RBM6: variants seen among roughly 807,000 people sequenced by gnomAD.
RBM6 encodes the protein RNA-binding protein 6.
Under a neutral mutation model 140.4 loss-of-function variants are expected in RBM6, and 23 were observed. The observed-to-expected ratio is 0.16, with a 90% CI of 0.12 to 0.23. The LOEUF is 0.23. Ranked by LOEUF, RBM6 falls within the 10% of genes least tolerant of loss-of-function variation. The pLI is 1.00. For missense variants in RBM6, 1,139 were observed against 1,386.7 expected (o/e 0.82, Z 2.84); for synonymous variants, 439 against 475.6 (o/e 0.92, Z 1.00).
chr3:50,060,435 A>ACTTGG (rs1359700875), intron 11 of RBM6, among the ~76,000 whole-genome samples: 2 of 151,882 alleles, frequency 1.3e-5, no homozygotes, highest in Non-Finnish European at 2.9e-5. Context: ...TTGCTCCACC[A>ACTTGG]CTTGGCTTTG....
intron 5 of RBM6, among the ~76,000 whole-genome samples, chr3:49,990,956 G>A (rs961139352): frequency 2.0e-5 from 3 of 152,102 alleles, no homozygotes; most frequent in African/African-American, 4.8e-5. Context: ...GACTCCGCAG[G>A]TTGAAGGGCT....
At chr3:49,948,922 C>T (rs1284654770) in intron 1 of RBM6, among the ~76,000 whole-genome samples, 1 of 147,142 alleles carries the variant, frequency 6.8e-6, no homozygotes, top group African/African-American at 2.5e-5. Flanking sequence ...CCTCTGCCTC[C>T]TGGGTTCAAG....
intron 6 of RBM6, among the ~76,000 whole-genome samples, chr3:50,012,837 G>A (rs1043417605): frequency 6.7e-6 from 1 of 150,296 alleles, no homozygotes; most frequent in African/African-American, 2.5e-5. Context: ...CCCCGTCCCG[G>A]GTTCAAGCAA....
chr3:50,056,200 G>A (rs886505861), intron 8 of RBM6, among the ~76,000 whole-genome samples: 6 of 152,102 alleles, frequency 3.9e-5, no homozygotes, highest in African/African-American at 1.4e-4. Flanking sequence ...TGCTTGTTAG[G>A]TCACTTCAGG....
At chr3:49,972,990 C>A (rs1313337697) in intron 4 of RBM6, among the ~76,000 whole-genome samples, 1 of 152,004 alleles carries the variant, frequency 6.6e-6, no homozygotes, top group African/African-American at 2.4e-5. Flanking sequence ...ACCACCACGC[C>A]CAGCTAATTT....
At chr3:50,047,318 G>A (rs748885727) in intron 6 of RBM6, 9 of 985,380 alleles carry the variant, frequency 9.1e-6, no homozygotes, top group Non-Finnish European at 1.1e-5. Flanking sequence ...TTCCAGAGTC[G>A]CATTCTCGGT....
At chr3:49,983,304 A>C (rs780119056) in intron 5 of RBM6, among the ~76,000 whole-genome samples, 3 of 152,220 alleles carry the variant, frequency 2.0e-5, no homozygotes, top group Non-Finnish European at 2.9e-5. Context: ...ATCCATTGTG[A>C]AACTCGAGAA....
At chr3:49,998,925 T>C (rs1316221795) in intron 5 of RBM6, among the ~76,000 whole-genome samples, 1 of 152,152 alleles carries the variant, frequency 6.6e-6, no homozygotes, top group Non-Finnish European at 1.5e-5. Context: ...CCAAACAGAA[T>C]AGTTGCCTCA....
In RBM6 at chr3:49,968,766, ATTGCTTTTTTT is replaced by A. The variant is rs762850274; in HGVS notation, c.1323+21_1323+31del. The A allele has an allele frequency of 2.5e-5, 12 of 482,828 alleles. No individual in the cohort carries two copies. Among genetic ancestry groups the A allele is most frequent in the Middle Eastern group, 5.9e-4 (1 of 1,704 alleles). 29.9% of individuals were successfully genotyped at this position (482,828 alleles called of 1,614,324 possible). A position where few individuals can be genotyped will look rare whatever the true frequency, so the allele number is the denominator to read the frequency against. ...ACCTTCAGGTATGTTGATGGGGTGG[ATTGCTTTTTTT>A]TTTTTTTTTTTTTTTTTTTTTGAGA... On this transcript the variant is annotated intron_variant, in intron 3 of 20. Transcript: ENST00000266022.
chr3:50,033,296 CGAAAAGAAA>C (rs1440155884), intron 6 of RBM6, among the ~76,000 whole-genome samples: 31 of 150,568 alleles, frequency 2.1e-4, no homozygotes, highest in Admixed American at 4.0e-4. Context: ...GACTCTGTCT[CGAAAAGAAA>C]AAAAAGAAAA....
intron 6 of RBM6, among the ~76,000 whole-genome samples, chr3:50,018,600 T>G (rs1010603848): frequency 2.2e-5 from 3 of 137,944 alleles, no homozygotes; most frequent in East Asian, 2.1e-4. Flanking sequence ...TTTTTTTTTT[T>G]TTTTTTTTTT....
intron 19 of RBM6, among the ~76,000 whole-genome samples, chr3:50,072,379 T>A (rs1458346864): frequency 1.3e-5 from 2 of 149,262 alleles, no homozygotes; most frequent in African/African-American, 4.9e-5. Context: ...CACTGTACTC[T>A]AGCCTGGGTA....
At chr3:49,946,184 T>C (rs1367027663) in intron 1 of RBM6, among the ~76,000 whole-genome samples, 1 of 152,096 alleles carries the variant, frequency 6.6e-6, no homozygotes, top group Admixed American at 6.6e-5. Flanking sequence ...CTGTGTAATA[T>C]AGGTTTCAAT....
At chr3:49,958,831 G>C (rs2084139754) in intron 1 of RBM6, among the ~76,000 whole-genome samples, 1 of 129,894 alleles carries the variant, frequency 7.7e-6, no homozygotes, top group Non-Finnish European at 1.5e-5. Flanking sequence ...CTGTTGCCCT[G>C]GCTGGAGTGC....
intron 7 of RBM6, among the ~76,000 whole-genome samples, chr3:50,049,292 A>G (rs1042145993): frequency 2.6e-5 from 4 of 151,522 alleles, no homozygotes; most frequent in African/African-American, 9.7e-5. Context: ...TGTAGTTTTT[A>G]GTAGAGATGG....
chr3:50,074,390 C>T (rs1575897097), intron 19 of RBM6, among the ~76,000 whole-genome samples: 1 of 151,606 alleles, frequency 6.6e-6, no homozygotes, highest in Non-Finnish European at 1.5e-5. Context: ...GGCGCGATAT[C>T]AGCTAACCAC....
rs533563507 is a variant in RBM6, at chr3:50,075,895, G to A, written c.3246+565G>A. 5.3e-5 allele frequency among the ~76,000 whole-genome samples: 8 copies of A among 152,118 alleles called. No homozygotes were observed. The East Asian group carries it at 1.5e-3, about 29-fold the overall frequency. ...AGTTTCTCATATCTCTGGTATTAAAGCCTGTATCTTGCAATCATAGCATCA... is the reference window on the plus strand; with the variant it reads ...AGTTTCTCATATCTCTGGTATTAAAACCTGTATCTTGCAATCATAGCATCA... On this transcript the variant is annotated intron_variant, in intron 20 of 20. Coordinates refer to ENST00000266022, the MANE Select transcript of RBM6 (RefSeq NM_005777.3).
chr3:49,961,017 C>T (rs1429558460), intron 1 of RBM6, among the ~76,000 whole-genome samples: 1 of 151,490 alleles, frequency 6.6e-6, no homozygotes, highest in Non-Finnish European at 1.5e-5. Flanking sequence ...TCAAGCGATC[C>T]TCCCCCACTT....
At chr3:50,007,510 T>C (rs1256134330) in intron 6 of RBM6, among the ~76,000 whole-genome samples, 1 of 151,220 alleles carries the variant, frequency 6.6e-6, no homozygotes, top group Non-Finnish European at 1.5e-5. Context: ...TCTGCTGCCT[T>C]AGCCTTCAAG....
Sources: allele counts gnomAD v4.1 joint callset (sites outside exome capture counted in the v4.1 genomes callset), GRCh38; gene constraint gnomAD v4.1.1; transcripts MANE v1.5; gene names NCBI Gene and HGNC (gene_info 2026-07-23, HGNC 2026-07-21).